Variants in NAT10 observed in about 807,000 individuals in gnomAD.
NAT10 encodes RNA cytidine acetyltransferase.
NAT10 carries 109 observed loss-of-function variants against 132.2 expected under a neutral mutation model. That is an observed-to-expected ratio of 0.82 (90% confidence interval 0.71 to 0.97). The LOEUF is 0.97. NAT10 is among the 50% of genes least tolerant of loss of function. NAT10 has a pLI of 0.00. For synonymous variants in NAT10, 479 were observed against 478.0 expected (o/e 1.00, Z -0.03); for missense variants, 1,184 against 1,263.4 (o/e 0.94, Z 0.95).
chr11:34,121,858 C>CAA (rs34304264), intron 8 of NAT10, among the ~76,000 whole-genome samples: 2,527 of 36,158 alleles, frequency 0.07, 209 homozygotes, highest in Non-Finnish European at 0.09. Flanking sequence ...GACTCTGTCT[C>CAA]AAAAAAAAAA....
At chr11:34,142,630 C>T (rs896972892) in intron 27 of NAT10, among the ~76,000 whole-genome samples, 3 of 152,242 alleles carry the variant, frequency 2.0e-5, no homozygotes, top group Non-Finnish European at 2.9e-5. Flanking sequence ...GTGGGGGTGC[C>T]GATTGGATGA....
intron 4 of NAT10, 80 bp from the exon 5 acceptor site, chr11:34,113,636 C>CAAAAA (rs34445882): frequency 4.4e-6 from 4 of 906,836 alleles, no homozygotes; most frequent in Admixed American, 4.4e-5. Context: ...GACTCCATCT[C>CAAAAA]AAAAAAAAAA....
At position 34,132,192 on chromosome 11, in the gene NAT10, A is replaced by ATGGCCCTC; in HGVS notation, c.1590_1597dup (p.Tyr533TrpfsTer62). On this transcript the variant is annotated frameshift_variant, in exon 15 of 29. Coordinates refer to ENST00000257829, the MANE Select transcript of NAT10 (RefSeq NM_024662.3). LOFTEE classifies it high-confidence loss of function. ...CTCTGAAGTTTTCCTCCAACGGCTT[A>ATGGCCCTC]TGGCCCTCTACGTGGCTTCTCACTA... is the stretch of plus-strand genomic sequence containing the variant. 4.3e-6 allele frequency: 7 copies of ATGGCCCTC among 1,614,120 alleles called. No individual in the cohort carries two copies. The highest frequency in any genetic ancestry group is 5.9e-6 in the Non-Finnish European group (7 of 1,179,962).
Position 34,146,216 on chromosome 11 carries a change from G to A in NAT10, c.*24G>A. 1 of 1,520,144 alleles carries A rather than the reference G, an allele frequency of 6.6e-7. No homozygotes were observed. The highest frequency in any genetic ancestry group is 2.3e-5 in the East Asian group (1 of 43,768). The allele number at this position is 1,520,144 out of a possible 1,614,324, so 94.2% of individuals were successfully genotyped here. On this transcript the variant is annotated 3_prime_UTR_variant, in exon 29 of 29. Coordinates refer to ENST00000257829, the MANE Select transcript of NAT10 (RefSeq NM_024662.3). Reference sequence around the variant, plus strand: ...AGTGAAGAGAAACTCGGGCATCTGTGTTTGATCATGGGAAGATACTCTCAC... The same window carrying A: ...AGTGAAGAGAAACTCGGGCATCTGTATTTGATCATGGGAAGATACTCTCAC...
chr11:34,116,729 G>A (rs933379439), intron 6 of NAT10, among the ~76,000 whole-genome samples: 2 of 152,078 alleles, frequency 1.3e-5, no homozygotes, highest in Non-Finnish European at 2.9e-5. Context: ...CAAGTAGCCG[G>A]GATTACAGGA....
At chr11:34,110,294 T>C (rs1045186480) in intron 3 of NAT10, among the ~76,000 whole-genome samples, 1 of 151,988 alleles carries the variant, frequency 6.6e-6, no homozygotes, top group Non-Finnish European at 1.5e-5. Flanking sequence ...CTTTATGCTG[T>C]GACTAACCTC....
intron 27 of NAT10, 88 bp downstream of exon 27, chr11:34,142,436 GC>G: frequency 8.7e-7 from 1 of 1,145,858 alleles, no homozygotes; most frequent in Non-Finnish European, 1.3e-6. Flanking sequence ...TATCCCACGT[GC>G]CCTGGAAAGT....
intron 28 of NAT10, among the ~76,000 whole-genome samples, chr11:34,145,507 G>A (rs1388250068): frequency 6.6e-6 from 1 of 152,204 alleles, no homozygotes; most frequent in Non-Finnish European, 1.5e-5. Flanking sequence ...TTTGCTGAGT[G>A]ATTCCTATGC....
chr11:34,145,117 T>C (rs1375806068), intron 28 of NAT10, among the ~76,000 whole-genome samples: 3 of 152,210 alleles, frequency 2.0e-5, no homozygotes, highest in African/African-American at 7.2e-5. Context: ...GCACGGTGGC[T>C]TTGACTGGAA....
chr11:34,127,835 C>G (rs572974338), intron 12 of NAT10, among the ~76,000 whole-genome samples: 35 of 152,266 alleles, frequency 2.3e-4, no homozygotes, highest in African/African-American at 8.2e-4. Flanking sequence ...GAATTTTAGT[C>G]TGATGTGCTG....
Position 34,139,566 on chromosome 11 carries a change from A to G in NAT10, c.2419+71A>G. Reference sequence around the variant, plus strand: ...GTGTGGGAGGTGGGTGTGGTGTCCTAGGAAGGGTTTGGGCTGGAAATTGAG... The same window carrying G: ...GTGTGGGAGGTGGGTGTGGTGTCCTGGGAAGGGTTTGGGCTGGAAATTGAG... On this transcript the variant is annotated intron_variant, in intron 23 of 28. Coordinates refer to ENST00000257829, the MANE Select transcript of NAT10 (RefSeq NM_024662.3). 3 of 1,395,374 alleles carry G rather than the reference A, an allele frequency of 2.1e-6. No individual in the cohort carries two copies. The South Asian group carries it at 3.5e-5, about 16-fold the overall frequency. The allele number at this position is 1,395,374 out of a possible 1,614,324, so 86.4% of individuals were successfully genotyped here.
At chr11:34,113,982 T>A in intron 5 of NAT10, 144 bp downstream of exon 5, 4 of 988,040 alleles carry the variant, frequency 4.0e-6, no homozygotes, top group Non-Finnish European at 5.7e-6. Context: ...TGATTTTAAC[T>A]AATGAAAAAG....
Position 34,108,310 on chromosome 11 carries a change from G to C in NAT10, c.85G>C (p.Val29Leu). The C allele has an allele frequency of 6.2e-7, 1 of 1,614,108 alleles. No homozygotes were observed. Among genetic ancestry groups the C allele is most frequent in the East Asian group, 2.2e-5 (1 of 44,884 alleles). Residue 29 changes from valine (V) to leucine (L), a missense_variant, in exon 2 of 29, where the codon GTT becomes CTT. Val to Leu is a conservative substitution (Grantham distance 32). Coordinates refer to ENST00000257829, the MANE Select transcript of NAT10 (RefSeq NM_024662.3). ...AERQRSLFVVVGDRGKDQVVI... is the reference protein window; with the variant it reads ...AERQRSLFVVLGDRGKDQVVI... ...GCGGCAAAGATCTCTCTTTGTTGTA[G>C]TTGGGGATCGAGGAAAAGATCAGGT...
rs1487093428 is a variant in NAT10, at chr11:34,142,261, G to A, written c.2812-14G>A. The A allele has an allele frequency of 5.0e-6, 8 of 1,613,324 alleles. No homozygotes were observed. The highest frequency in any genetic ancestry group is 5.9e-6 in the Non-Finnish European group (7 of 1,179,470). On this transcript the variant is annotated splice_polypyrimidine_tract_variant and intron_variant, in intron 26 of 28. Transcript: ENST00000257829. ...TGACTCTGACTTAGTCTCTTTATGGGTCCTTAACCACAGGATGAAGCAGCA... is the reference window on the plus strand; with the variant it reads ...TGACTCTGACTTAGTCTCTTTATGGATCCTTAACCACAGGATGAAGCAGCA...
In NAT10 at chr11:34,143,532, AG is replaced by A; in HGVS notation, c.2969+7del. On this transcript the variant is annotated splice_donor_5th_base_variant and intron_variant, in intron 28 of 28. Coordinates refer to ENST00000257829, the MANE Select transcript of NAT10 (RefSeq NM_024662.3). Reference sequence around the variant, plus strand: ...CCTCGATCATCAGCCTGAAAAGGTGAGGGCCCAGGGTCTGATGTGCATCTGG... The same window carrying A: ...CCTCGATCATCAGCCTGAAAAGGTGAGGCCCAGGGTCTGATGTGCATCTGG... 1 of 1,613,272 alleles carries A rather than the reference AG, an allele frequency of 6.2e-7. No individual in the cohort carries two copies. The highest frequency in any genetic ancestry group is 1.1e-5 in the South Asian group (1 of 90,856).
intron 18 of NAT10, 26 bp from the exon 19 acceptor site, chr11:34,135,149 C>T (rs1360264790): frequency 3.1e-6 from 5 of 1,587,306 alleles, no homozygotes; most frequent in South Asian, 1.1e-5. Flanking sequence ...TTCCCTCGGC[C>T]TCTTCCCCTT....
At chr11:34,142,443 A>T in intron 27 of NAT10, 95 bp downstream of exon 27, 4 of 1,069,988 alleles carry the variant, frequency 3.7e-6, no homozygotes, top group Non-Finnish European at 5.6e-6. Flanking sequence ...CGTGCCCTGG[A>T]AAGTGTCTTT....
chr11:34,110,412 C>G (rs1325737926), intron 3 of NAT10, among the ~76,000 whole-genome samples: 1 of 151,878 alleles, frequency 6.6e-6, no homozygotes, highest in Non-Finnish European at 1.5e-5. Context: ...CTCCGTGAAA[C>G]TTTTCCTGAG....
At chr11:34,114,868 G>C (rs1420109252) in intron 5 of NAT10, among the ~76,000 whole-genome samples, 2 of 152,076 alleles carry the variant, frequency 1.3e-5, no homozygotes, top group Non-Finnish European at 2.9e-5. Context: ...AATTTCACTG[G>C]AGGGCCGATC....
Sources: gnomAD v4.1 joint callset for allele counts (sites outside exome capture counted in the v4.1 genomes callset) on GRCh38, gnomAD v4.1.1 for gene constraint, MANE v1.5 for transcripts, NCBI Gene and HGNC (gene_info 2026-07-23, HGNC 2026-07-21) for gene names.